The following OPCML variants were observed in gnomAD, a reference collection of about 807,000 sequenced individuals.
OPCML encodes opioid binding protein/cell adhesion molecule like, also known as opioid-binding protein/cell adhesion molecule.
OPCML carries 13 observed loss-of-function variants against 37.8 expected under a neutral mutation model. That is an observed-to-expected ratio of 0.34 (90% CI 0.22 to 0.55). OPCML has a LOEUF of 0.55. Among genes scored for constraint, OPCML ranks in the 20% least tolerant of loss-of-function variants. OPCML has a pLI of 0.91. For synonymous variants in OPCML, 176 were observed against 168.8 expected, an observed-to-expected ratio of 1.04 and a Z score of -0.33; for missense variants, 341 against 435.6, an observed-to-expected ratio of 0.78 and a Z score of 1.93.
At chr11:133,180,255 G>A (rs975230823) in intron 1 of OPCML, among the ~76,000 whole-genome samples, 7 of 152,092 alleles carry the variant, frequency 4.6e-5, no homozygotes, top group African/African-American at 9.7e-5. Flanking sequence ...TCACGTGTGC[G>A]TTCAGACCTG....
chr11:133,366,900 G>A (rs1440664926), intron 1 of OPCML, among the ~76,000 whole-genome samples: 1 of 152,172 alleles, frequency 6.6e-6, no homozygotes, highest in African/African-American at 2.4e-5. Context: ...GGAGCAGGGA[G>A]GTGGACACCC....
intron 2 of OPCML, among the ~76,000 whole-genome samples, chr11:132,684,335 A>G (rs1294171496): frequency 6.6e-6 from 1 of 152,196 alleles, no homozygotes; most frequent in Non-Finnish European, 1.5e-5. Flanking sequence ...TAGTAAATTG[A>G]GCCTCAGAAA....
intron 2 of OPCML, among the ~76,000 whole-genome samples, chr11:132,670,292 G>A (rs1265923095): frequency 1.3e-5 from 2 of 152,112 alleles, no homozygotes; most frequent in African/African-American, 4.8e-5. Flanking sequence ...ACTATCGTGG[G>A]AGCAAAGACT....
chr11:133,389,241 A>C (rs1945118435), intron 1 of OPCML, among the ~76,000 whole-genome samples: 2 of 152,242 alleles, frequency 1.3e-5, no homozygotes, highest in Non-Finnish European at 2.9e-5. Flanking sequence ...TTTCGTTCTT[A>C]AAATGCAAAT....
intron 4 of OPCML, among the ~76,000 whole-genome samples, chr11:132,477,839 T>C (rs955558515): frequency 1.3e-5 from 2 of 152,226 alleles, no homozygotes; most frequent in Non-Finnish European, 2.9e-5. Flanking sequence ...ATTTTCATTA[T>C]AAAATCTCTT....
At chr11:133,159,467 G>T (rs1024091996) in intron 1 of OPCML, among the ~76,000 whole-genome samples, 5 of 152,282 alleles carry the variant, frequency 3.3e-5, no homozygotes, top group African/African-American at 1.2e-4. Context: ...TGACAGAGGG[G>T]CCACTAAATG....
chr11:133,273,946 A>G (rs1043216942), intron 1 of OPCML, among the ~76,000 whole-genome samples: 1 of 152,238 alleles, frequency 6.6e-6, no homozygotes, highest in Admixed American at 6.5e-5. Flanking sequence ...GACCTTTCAA[A>G]AGCACACAAT....
intron 2 of OPCML, among the ~76,000 whole-genome samples, chr11:132,893,598 C>T (rs1041970943): frequency 6.6e-6 from 1 of 152,234 alleles, no homozygotes; most frequent in Non-Finnish European, 1.5e-5. Context: ...AAAGAAGCCA[C>T]TAATGTCTTT....
At chr11:133,231,089 A>G (rs1225663391) in intron 1 of OPCML, among the ~76,000 whole-genome samples, 1 of 152,208 alleles carries the variant, frequency 6.6e-6, no homozygotes, top group Non-Finnish European at 1.5e-5. Context: ...AAGGAGGCAG[A>G]ATGAGAAGCA....
At chr11:132,817,934 T>C (rs893221688) in intron 2 of OPCML, among the ~76,000 whole-genome samples, 2 of 151,980 alleles carry the variant, frequency 1.3e-5, no homozygotes, top group Non-Finnish European at 2.9e-5. Flanking sequence ...CGTTATGAAG[T>C]AGTGACCACA....
intron 1 of OPCML, among the ~76,000 whole-genome samples, chr11:133,306,139 A>G (rs939282696): frequency 7.9e-5 from 12 of 152,194 alleles, no homozygotes; most frequent in African/African-American, 2.9e-4. Context: ...ACTGGCATAC[A>G]TCAGTAGAAA....
At chr11:132,526,526 C>T (rs377595633) in intron 4 of OPCML, among the ~76,000 whole-genome samples, 26 of 152,116 alleles carry the variant, frequency 1.7e-4, no homozygotes, top group African/African-American at 6.3e-4. Context: ...GAATATTAGG[C>T]TAATTTATTA....
intron 1 of OPCML, among the ~76,000 whole-genome samples, chr11:133,221,232 G>A (rs1238828223): frequency 1.3e-5 from 2 of 152,176 alleles, no homozygotes; most frequent in Non-Finnish European, 2.9e-5. Flanking sequence ...CAAGGTGATT[G>A]CTCACTTGAG....
intron 1 of OPCML, among the ~76,000 whole-genome samples, chr11:133,099,482 T>A (rs1949055670): frequency 6.9e-6 from 1 of 145,604 alleles, no homozygotes; most frequent in South Asian, 2.2e-4. Context: ...AGAGATGGGG[T>A]TTCATGGTGT....
At chr11:132,727,325 A>G (rs988698607) in intron 2 of OPCML, among the ~76,000 whole-genome samples, 1 of 152,092 alleles carries the variant, frequency 6.6e-6, no homozygotes, top group Non-Finnish European at 1.5e-5. Flanking sequence ...GTGCCTAGAG[A>G]TTTAGGTGAA....
chr11:132,907,112 G>A (rs1471388044), intron 2 of OPCML, among the ~76,000 whole-genome samples: 2 of 152,062 alleles, frequency 1.3e-5, no homozygotes, highest in South Asian at 4.1e-4. Flanking sequence ...CGTAAGAATT[G>A]CCATCCATTT....
intron 1 of OPCML, among the ~76,000 whole-genome samples, chr11:133,401,064 C>G (rs1355018387): frequency 1.3e-5 from 2 of 152,124 alleles, no homozygotes; most frequent in Non-Finnish European, 2.9e-5. Context: ...GCAGCAATTT[C>G]CCCAAGTTTA....
At chr11:132,681,681 C>T (rs1040512197) in intron 2 of OPCML, among the ~76,000 whole-genome samples, 12 of 152,090 alleles carry the variant, frequency 7.9e-5, no homozygotes, top group African/African-American at 1.4e-4. Flanking sequence ...TGCAGCCAGC[C>T]GTGGTGGCTC....
intron 2 of OPCML, among the ~76,000 whole-genome samples, chr11:132,889,250 C>A (rs1432485303): frequency 3.3e-5 from 5 of 152,196 alleles, no homozygotes; most frequent in Non-Finnish European, 7.3e-5. Context: ...GTGGCTCCTT[C>A]TGTTCTTACG....
Sources: gnomAD v4.1 joint callset for allele counts (sites outside exome capture counted in the v4.1 genomes callset) on GRCh38, gnomAD v4.1.1 for gene constraint, MANE v1.5 for transcripts, NCBI Gene and HGNC (gene_info 2026-07-23, HGNC 2026-07-21) for gene names.